The following RASGRP3 variants were observed in gnomAD, a reference collection of about 807,000 sequenced individuals.
The protein encoded by RASGRP3 is ras guanyl-releasing protein 3.
A neutral mutation model predicts 82.7 loss-of-function variants in RASGRP3; 54 were observed. The ratio of observed to expected loss-of-function variants is 0.65; its 90% confidence interval spans 0.52 to 0.82. The LOEUF is 0.82. Ranked by LOEUF, RASGRP3 falls within the 40% of genes least tolerant of loss-of-function variation. The pLI is 0.00. For synonymous variants in RASGRP3, 309 were observed against 300.5 expected (o/e 1.03, Z -0.29); for missense variants, 861 against 828.9 (o/e 1.04, Z -0.48).
intron 1 of RASGRP3, among the ~76,000 whole-genome samples, chr2:33,498,875 C>T (rs916771143): frequency 2.0e-5 from 3 of 152,048 alleles, no homozygotes; most frequent in East Asian, 3.9e-4. Context: ...CTGACATATG[C>T]TTGTACCTCC....
Position 33,542,046 on chromosome 2 carries a change from C to T in RASGRP3, c.1279-1466C>T, listed in dbSNP as rs1344122977. Among the ~76,000 whole-genome samples the T allele has an allele frequency of 4.1e-5, 6 of 146,642 alleles. 2 individuals carry two copies. The highest frequency in any genetic ancestry group is 9.1e-5 in the Non-Finnish European group (6 of 65,588). On this transcript the variant is annotated intron_variant, in intron 12 of 17. Coordinates refer to ENST00000403687, the MANE Select transcript of RASGRP3 (RefSeq NM_001139488.2). Reference sequence around the variant, plus strand: ...GTTTGATTCTAGGAGTTTGAGGCTGCAGTGAGCTATGATCATGCCACTGCA... The same window carrying T: ...GTTTGATTCTAGGAGTTTGAGGCTGTAGTGAGCTATGATCATGCCACTGCA...
Position 33,461,974 on chromosome 2 carries a change from A to G in RASGRP3, c.-261+14031A>G, listed in dbSNP as rs115329850. ...GCAAGGGGTTTGGCACTAAGGCTGG[A>G]AAACAGGACTTGCAGTTAGCTAGCT... is the stretch of plus-strand genomic sequence containing the variant. On this transcript the variant is annotated intron_variant, in intron 2 of 18. Coordinates refer to the RASGRP3 transcript ENST00000402538. Among the ~76,000 whole-genome samples, 621 of 152,354 alleles carry G rather than the reference A, an allele frequency of 4.1e-3. 7 individuals are homozygous for G. Among genetic ancestry groups the G allele is most frequent in the African/African-American group, 0.014 (594 of 41,572 alleles).
At chr2:33,477,611 C>T (rs1023310863) in intron 1 of RASGRP3, among the ~76,000 whole-genome samples, 2 of 152,200 alleles carry the variant, frequency 1.3e-5, no homozygotes, top group Non-Finnish European at 2.9e-5. Context: ...ATGGTGCTTG[C>T]GCTTGGGCGA....
chr2:33,440,877 G>C (rs554871271), intron 1 of RASGRP3, among the ~76,000 whole-genome samples: 1 of 151,982 alleles, frequency 6.6e-6, no homozygotes, highest in East Asian at 1.9e-4. Context: ...TTGGACATTA[G>C]ATCTCCAAAC....
At chr2:33,472,753 G>A (rs1000562399), upstream of RASGRP3, among the ~76,000 whole-genome samples, 4 of 150,746 alleles carry the variant, frequency 2.7e-5, no homozygotes, top group African/African-American at 4.9e-5. Context: ...TCAGGTGTTC[G>A]GGACCATCCT....
intron 2 of RASGRP3, among the ~76,000 whole-genome samples, chr2:33,469,790 T>G (rs10191627): frequency 0.19 from 28,276 of 152,220 alleles, 2,881 homozygotes; most frequent in South Asian, 0.32. Flanking sequence ...CTCTTTAGTC[T>G]AACATGCTTT....
At chr2:33,489,801 T>C (rs1668698930) in intron 1 of RASGRP3, among the ~76,000 whole-genome samples, 2 of 152,192 alleles carry the variant, frequency 1.3e-5, no homozygotes, top group South Asian at 4.1e-4. Flanking sequence ...CCTCCCCATG[T>C]GCTGGGATTA....
intron 17 of RASGRP3, among the ~76,000 whole-genome samples, chr2:33,559,275 T>C (rs1296588233): frequency 6.6e-6 from 1 of 152,222 alleles, no homozygotes; most frequent in Non-Finnish European, 1.5e-5. Flanking sequence ...TGAAACCTAT[T>C]GAAGGCTGTC....
chr2:33,537,656 C>T (rs1462295295), intron 11 of RASGRP3, among the ~76,000 whole-genome samples: 2 of 152,018 alleles, frequency 1.3e-5, no homozygotes, highest in African/African-American at 2.4e-5. Context: ...CCACTGTACC[C>T]AGCCTCTATA....
At chr2:33,456,078 A>G (rs1902312) in intron 2 of RASGRP3, among the ~76,000 whole-genome samples, 143,521 of 152,246 alleles carry the variant, frequency 0.94, 67,809 homozygotes, top group Non-Finnish European at 0.98. Context: ...TCTTCCCACC[A>G]AAGTTACTTT....
chr2:33,529,662 T>C (rs1261091598), intron 10 of RASGRP3, among the ~76,000 whole-genome samples: 2 of 152,010 alleles, frequency 1.3e-5, no homozygotes, highest in East Asian at 1.9e-4. Flanking sequence ...GGTAGCATAG[T>C]GTAGTGGCAA....
intron 2 of RASGRP3, among the ~76,000 whole-genome samples, chr2:33,462,665 A>G (rs1168152768): frequency 1.3e-5 from 2 of 152,234 alleles, no homozygotes; most frequent in Non-Finnish European, 2.9e-5. Context: ...GGCGTGAGCC[A>G]CTGCGCCGGC....
chr2:33,463,886 C>A (rs1051520587), intron 2 of RASGRP3, among the ~76,000 whole-genome samples: 2 of 151,804 alleles, frequency 1.3e-5, no homozygotes. Context: ...AGGCATGAGC[C>A]ACCGTGCCCA....
chr2:33,532,096 G>A (rs1673154821), intron 10 of RASGRP3: 1 of 152,262 alleles, frequency 6.6e-6, no homozygotes, highest in African/African-American at 2.4e-5. Flanking sequence ...GAGGCTTAGA[G>A]CCTGGCACAG....
At chr2:33,437,605 G>A (rs191506683) in intron 1 of RASGRP3, among the ~76,000 whole-genome samples, 7 of 152,318 alleles carry the variant, frequency 4.6e-5, no homozygotes, top group Admixed American at 3.9e-4. Context: ...GTCCCAAGAA[G>A]ATAGCAAAGC....
intron 1 of RASGRP3, among the ~76,000 whole-genome samples, chr2:33,500,000 A>G (rs1330332179): frequency 6.6e-6 from 1 of 152,224 alleles, no homozygotes; most frequent in Non-Finnish European, 1.5e-5. Flanking sequence ...CAGTACACTG[A>G]GTGCCAAAAT....
At chr2:33,531,455 C>T (rs145168650) in intron 10 of RASGRP3, among the ~76,000 whole-genome samples, 1 of 152,244 alleles carries the variant, frequency 6.6e-6, no homozygotes, top group East Asian at 1.9e-4. Flanking sequence ...GGAGTAACCC[C>T]GAGGGCAGCT....
At chr2:33,556,928 C>CACACACACATATACAT (rs1553366467) in intron 15 of RASGRP3, among the ~76,000 whole-genome samples, 3 of 148,306 alleles carry the variant, frequency 2.0e-5, no homozygotes, top group African/African-American at 7.6e-5. Flanking sequence ...CACACACACA[C>CACACACACATATACAT]GCAATTTTAT....
In RASGRP3 at chr2:33,564,469, T is replaced by G. The variant is rs1677031603; in HGVS notation, c.*1732T>G. On this transcript the variant is annotated 3_prime_UTR_variant, in exon 18 of 18. Coordinates refer to ENST00000403687, the MANE Select transcript of RASGRP3 (RefSeq NM_001139488.2). ...CTACTACTATCCATAAATGCAATAA[T>G]ATGCATGTTAACAACATTAAAAACA... 1 of 152,234 alleles carries G rather than the reference T, an allele frequency of 6.6e-6. No individual in the cohort carries two copies. Among genetic ancestry groups the G allele is most frequent in the African/African-American group, 2.4e-5 (1 of 41,462 alleles). 9.4% of individuals were successfully genotyped at this position (152,234 alleles called of 1,614,324 possible). A position where few individuals can be genotyped will look rare whatever the true frequency, so the allele number is the denominator to read the frequency against.
Sources: allele counts gnomAD v4.1 joint callset (sites outside exome capture counted in the v4.1 genomes callset), GRCh38; gene constraint gnomAD v4.1.1; transcripts MANE v1.5; gene names NCBI Gene and HGNC (gene_info 2026-07-23, HGNC 2026-07-21).